Variants in COG5 observed in about 807,000 individuals in gnomAD.
COG5 encodes conserved oligomeric Golgi complex subunit 5.
A neutral mutation model predicts 110.4 loss-of-function variants in COG5; 86 were observed. That is an observed-to-expected ratio of 0.78 (90% CI 0.65 to 0.93). The LOEUF (loss-of-function observed/expected upper bound fraction) is 0.93. Among genes scored for constraint, COG5 ranks in the 40% least tolerant of loss-of-function variants. The pLI is 0.00. For synonymous variants in COG5, 360 were observed against 334.6 expected, an observed-to-expected ratio of 1.08 and a Z score of -0.83; for missense variants, 1,077 against 987.0, an observed-to-expected ratio of 1.09 and a Z score of -1.22.
At chr7:107,274,416 T>A (rs994560608) in intron 14 of COG5, among the ~76,000 whole-genome samples, 1 of 152,174 alleles carries the variant, frequency 6.6e-6, no homozygotes, top group Non-Finnish European at 1.5e-5. Flanking sequence ...CTTCACCCCC[T>A]TTGTATCTTC....
At chr7:107,315,147 ACTATT>A (rs71522834) in intron 11 of COG5, among the ~76,000 whole-genome samples, 461 of 147,510 alleles carry the variant, frequency 3.1e-3, no homozygotes, top group Non-Finnish European at 4.1e-3. Context: ...CAACTTGCAT[ACTATT>A]CTAATCTTTT....
At chr7:107,459,410 T>C (rs1343847386) in intron 6 of COG5, among the ~76,000 whole-genome samples, 1 of 151,230 alleles carries the variant, frequency 6.6e-6, no homozygotes, top group Non-Finnish European at 1.5e-5. Flanking sequence ...CCAGATGAAG[T>C]CAAAAAACTA....
intron 1 of COG5, among the ~76,000 whole-genome samples, chr7:107,559,009 A>ACT (rs1361866819): frequency 1.7e-4 from 26 of 150,858 alleles, no homozygotes; most frequent in African/African-American, 6.1e-4. Context: ...AGGAAAATTG[A>ACT]CTCTATATAT....
intron 1 of COG5, among the ~76,000 whole-genome samples, chr7:107,559,105 T>C (rs926182556): frequency 6.6e-6 from 1 of 152,024 alleles, no homozygotes; most frequent in Non-Finnish European, 1.5e-5. Context: ...ATCTGGAATT[T>C]TAGTAACAAT....
At chr7:107,286,896 T>C (rs761438245) in intron 12 of COG5, among the ~76,000 whole-genome samples, 16 of 152,200 alleles carry the variant, frequency 1.1e-4, no homozygotes, top group Non-Finnish European at 2.2e-4. Context: ...CATCACTCTA[T>C]ATATGTATAA....
intron 1 of COG5, 152 bp downstream of exon 1, chr7:107,563,651 A>G: frequency 1.2e-6 from 1 of 823,764 alleles, no homozygotes; most frequent in Non-Finnish European, 2.1e-6. Context: ...TGGCTAGAAC[A>G]GTACCCAAGC....
intron 6 of COG5, among the ~76,000 whole-genome samples, chr7:107,445,727 T>C (rs1563039694): frequency 6.6e-6 from 1 of 152,210 alleles, no homozygotes; most frequent in Non-Finnish European, 1.5e-5. Context: ...TGGTATACGA[T>C]GAAAAGCATT....
chr7:107,382,499 G>A (rs1815209544), intron 7 of COG5, among the ~76,000 whole-genome samples: 4 of 152,042 alleles, frequency 2.6e-5, no homozygotes, highest in African/African-American at 7.2e-5. Flanking sequence ...GCAATGGCAC[G>A]ATCTCAACTC....
intron 6 of COG5, among the ~76,000 whole-genome samples, chr7:107,424,700 T>C (rs375217586): frequency 2.6e-5 from 4 of 152,160 alleles, no homozygotes; most frequent in East Asian, 1.9e-4. Flanking sequence ...AAACAGATAT[T>C]AATTCTACAT....
chr7:107,308,478 T>C (rs1047537744), intron 11 of COG5, among the ~76,000 whole-genome samples: 1 of 152,192 alleles, frequency 6.6e-6, no homozygotes, highest in African/African-American at 2.4e-5. Flanking sequence ...CTGAAGTGTT[T>C]GCCTTTTTAA....
intron 7 of COG5, among the ~76,000 whole-genome samples, chr7:107,382,090 C>T (rs941096540): frequency 2.0e-5 from 3 of 152,308 alleles, no homozygotes; most frequent in East Asian, 3.9e-4. Context: ...TCAGTCGTGA[C>T]GTGCAGAGTC....
intron 6 of COG5, among the ~76,000 whole-genome samples, chr7:107,480,038 AAC>A (rs1349451045): frequency 6.6e-6 from 1 of 152,164 alleles, no homozygotes; most frequent in Non-Finnish European, 1.5e-5. Context: ...GCTACATAAA[AAC>A]AGTTTTTAAT....
At chr7:107,505,032 T>C (rs1798889842) in intron 6 of COG5, among the ~76,000 whole-genome samples, 1 of 152,212 alleles carries the variant, frequency 6.6e-6, no homozygotes, top group African/African-American at 2.4e-5. Flanking sequence ...CTGCTGCTGG[T>C]TGTAGTAGCA....
At chr7:107,214,554 T>G (rs1187275735) in intron 19 of COG5, among the ~76,000 whole-genome samples, 1 of 152,180 alleles carries the variant, frequency 6.6e-6, no homozygotes, top group Non-Finnish European at 1.5e-5. Context: ...AGAGTCATAC[T>G]CAGAAAAACC....
intron 5 of COG5, among the ~76,000 whole-genome samples, chr7:107,542,565 A>T (rs1459225985): frequency 6.6e-6 from 1 of 152,220 alleles, no homozygotes; most frequent in Non-Finnish European, 1.5e-5. Flanking sequence ...ATATATTTGT[A>T]AAAAAGTTTT....
At chr7:107,271,121 C>T (rs1306470734) in intron 14 of COG5, among the ~76,000 whole-genome samples, 2 of 151,852 alleles carry the variant, frequency 1.3e-5, no homozygotes, top group African/African-American at 4.8e-5. Flanking sequence ...GTAACTCATG[C>T]CTGAAATCTC....
chr7:107,249,698 G>C (rs952532713), intron 16 of COG5, among the ~76,000 whole-genome samples: 1,067 of 103,938 alleles, frequency 0.01, 7 homozygotes, highest in Middle Eastern at 0.019. Context: ...GATTGTGTGT[G>C]TGTGTGTGTG....
intron 1 of COG5, among the ~76,000 whole-genome samples, chr7:107,562,749 C>G (rs928561072): frequency 6.6e-6 from 1 of 152,080 alleles, no homozygotes; most frequent in Non-Finnish European, 1.5e-5. Context: ...TGAAAAGGCA[C>G]GTAATTCAGG....
intron 6 of COG5, among the ~76,000 whole-genome samples, chr7:107,525,095 T>C (rs1204566605): frequency 2.6e-5 from 4 of 152,108 alleles, no homozygotes; most frequent in African/African-American, 9.6e-5. Flanking sequence ...GCCCAGCTAA[T>C]TTTTGTATTT....
Sources: allele counts gnomAD v4.1 joint callset (sites outside exome capture counted in the v4.1 genomes callset), GRCh38; gene constraint gnomAD v4.1.1; transcripts MANE v1.5; gene names NCBI Gene and HGNC (gene_info 2026-07-23, HGNC 2026-07-21).